Variants in RBPJ observed in about 807,000 individuals in gnomAD.
The protein encoded by RBPJ is recombination signal binding protein for immunoglobulin kappa J region.
RBPJ carries 9 observed loss-of-function variants against 67.8 expected under a neutral mutation model. That is an observed-to-expected ratio of 0.13 (90% CI 0.08 to 0.23). The LOEUF (loss-of-function observed/expected upper bound fraction) is 0.23, where lower values mean the gene tolerates loss of function less well. Among genes scored for constraint, RBPJ ranks in the 10% least tolerant of loss-of-function variants. The pLI, the probability that RBPJ is intolerant of heterozygous loss-of-function variation, is 1.00. For synonymous variants in RBPJ, 198 were observed against 203.3 expected (o/e 0.97, Z 0.22); for missense variants, 305 against 595.6 (o/e 0.51, Z 5.08).
intron 3 of RBPJ, among the ~76,000 whole-genome samples, chr4:26,408,305 A>G (rs1013493344): frequency 3.3e-5 from 5 of 152,124 alleles, no homozygotes; most frequent in African/African-American, 1.2e-4. Flanking sequence ...CTTTACTAAT[A>G]CAACTTAAAC....
At chr4:26,408,990 G>A (rs1251484225) in intron 3 of RBPJ, among the ~76,000 whole-genome samples, 1 of 152,216 alleles carries the variant, frequency 6.6e-6, no homozygotes, top group Non-Finnish European at 1.5e-5. Flanking sequence ...ATTATGAATA[G>A]ATGTGTGTTT....
chr4:26,275,887 A>T (rs745955663), intron 1 of RBPJ, among the ~76,000 whole-genome samples: 7 of 151,542 alleles, frequency 4.6e-5, no homozygotes, highest in Non-Finnish European at 8.8e-5. Context: ...CGGCCTCCCA[A>T]AGTGCTGGGA....
chr4:26,411,146 C>T (rs1219331104), intron 3 of RBPJ, among the ~76,000 whole-genome samples: 1 of 152,126 alleles, frequency 6.6e-6, no homozygotes, highest in Non-Finnish European at 1.5e-5. Flanking sequence ...TGCAGTGGCT[C>T]ATGCCTGTAA....
intron 1 of RBPJ, among the ~76,000 whole-genome samples, chr4:26,251,676 C>G (rs1037955232): frequency 6.7e-6 from 1 of 148,828 alleles, no homozygotes; most frequent in African/African-American, 2.5e-5. Context: ...GGTGAAACCC[C>G]ATCTCTACTA....
In RBPJ at chr4:26,430,401, A is replaced by AT. The variant is rs1171975408; in HGVS notation, c.1045-14dup. On this transcript the variant is annotated splice_polypyrimidine_tract_variant and intron_variant, in intron 9 of 10. Coordinates refer to ENST00000355476, the MANE Select transcript of RBPJ (RefSeq NM_015874.6). The surrounding 1 kb of genome is among the most constrained non-coding windows in gnomAD (Gnocchi z 4.1). The stretch of plus-strand genomic sequence containing the variant: ...AATGAAAAGTTTTCTCAGTGTTGTG[A>AT]TTTTCTGTGAATTGCAGTTGAATGG... The AT allele has an allele frequency of 6.3e-7, 1 of 1,592,418 alleles. No individual in the cohort carries two copies. The highest frequency in any genetic ancestry group is 1.3e-5 in the African/African-American group (1 of 74,558).
intron 1 of RBPJ, among the ~76,000 whole-genome samples, chr4:26,230,041 A>C: frequency 6.6e-6 from 1 of 152,018 alleles, no homozygotes; most frequent in East Asian, 1.9e-4. Context: ...AATACAAAAA[A>C]TAGTTGAGCA....
the RBPJ span, among the ~76,000 whole-genome samples, chr4:26,156,400 A>G: frequency 1.0e-4 from 15 of 147,986 alleles, no homozygotes; most frequent in African/African-American, 3.4e-4. Context: ...TATAGGTTGG[A>G]ATTTCTTTTC....
intron 1 of RBPJ, chr4:26,383,753 G>T (rs1560310665): frequency 6.6e-6 from 1 of 152,084 alleles, no homozygotes; most frequent in Admixed American, 6.6e-5. Flanking sequence ...TCAGATTTTT[G>T]CATTTAATTC....
Position 26,324,637 on chromosome 4 carries a change from C to G in RBPJ, c.20+3589C>G, listed in dbSNP as rs888969693. On this transcript the variant is annotated intron_variant, in intron 1 of 10. Transcript: ENST00000355476. The stretch of plus-strand genomic sequence containing the variant: ...CTCCACCTCCTGGGTTCAAGCGATC[C>G]TCGTGCCTTAGCCTCCTGAGTAGCT... 7.9e-5 allele frequency among the ~76,000 whole-genome samples: 12 copies of G among 152,236 alleles called. No individual in the cohort carries two copies. The East Asian group carries it at 2.3e-3, about 29-fold the overall frequency.
At chr4:26,372,068 A>G (rs1444458422) in intron 1 of RBPJ, among the ~76,000 whole-genome samples, 1 of 152,236 alleles carries the variant, frequency 6.6e-6, no homozygotes, top group Non-Finnish European at 1.5e-5. Context: ...TACTTAAATG[A>G]GAATACACAT....
intron 1 of RBPJ, among the ~76,000 whole-genome samples, chr4:26,245,083 A>G (rs1405867258): frequency 6.6e-6 from 1 of 151,708 alleles, no homozygotes; most frequent in African/African-American, 2.4e-5. Flanking sequence ...TGTATCCTCA[A>G]GTTTGTACAA....
At chr4:26,197,353 C>T (rs547338294) in intron 1 of RBPJ, among the ~76,000 whole-genome samples, 14 of 152,308 alleles carry the variant, frequency 9.2e-5, no homozygotes, top group Admixed American at 2.0e-4. Flanking sequence ...TGCCCCATCC[C>T]GGTCCAGATG....
At chr4:26,306,716 T>C (rs1722251602) in intron 1 of RBPJ, among the ~76,000 whole-genome samples, 2 of 152,020 alleles carry the variant, frequency 1.3e-5, no homozygotes, top group Admixed American at 1.3e-4. Flanking sequence ...CCCAAAGTGC[T>C]GGGATTACAG....
intron 1 of RBPJ, among the ~76,000 whole-genome samples, chr4:26,239,714 AGGAGAAGAGAAGAGGGGAGGGGAGG>A (rs922159518): frequency 2.0e-5 from 3 of 148,112 alleles, no homozygotes; most frequent in Non-Finnish European, 4.5e-5. Context: ...GAAGAAAAAA[AGGAGAAGAGAAGAGGGGAGGGGAGG>A]GGAGGGGAGA....
the RBPJ span, among the ~76,000 whole-genome samples, chr4:26,127,670 G>C: frequency 5.3e-5 from 8 of 152,314 alleles, no homozygotes; most frequent in Admixed American, 5.2e-4. Context: ...CTACCTATTA[G>C]ATCCCAGGAA....
chr4:26,186,411 A>G (rs535460604), intron 1 of RBPJ, among the ~76,000 whole-genome samples: 3 of 152,310 alleles, frequency 2.0e-5, no homozygotes, highest in African/African-American at 7.2e-5. Context: ...TACACAGTGA[A>G]TACTACATGG....
chr4:26,357,579 A>T (rs1054270643), intron 1 of RBPJ, among the ~76,000 whole-genome samples: 4 of 152,250 alleles, frequency 2.6e-5, no homozygotes, highest in African/African-American at 9.6e-5. Flanking sequence ...CAAAATATAC[A>T]TAAATAAAAT....
upstream of RBPJ, among the ~76,000 whole-genome samples, chr4:26,158,976 T>TCTCTCTCTCTCC (rs1716029089): frequency 6.6e-6 from 1 of 151,120 alleles, no homozygotes; most frequent in African/African-American, 2.5e-5. Flanking sequence ...TCTCTCTCTC[T>TCTCTCTCTCTCC]CTCTCTCAAT....
chr4:26,125,216 A>G, the RBPJ span, among the ~76,000 whole-genome samples: 42,428 of 152,138 alleles, frequency 0.28, 6,317 homozygotes, highest in Non-Finnish European at 0.31. Flanking sequence ...AATGTAGGCT[A>G]TATTCTGAGC....
Sources: gnomAD v4.1 joint callset for allele counts (sites outside exome capture counted in the v4.1 genomes callset) on GRCh38, gnomAD v4.1.1 for gene constraint, Gnocchi (gnomAD v3.1) non-coding constraint, MANE v1.5 for transcripts, NCBI Gene and HGNC (gene_info 2026-07-23, HGNC 2026-07-21) for gene names.